Variants in DDX10 observed in about 807,000 individuals in gnomAD.
DDX10 encodes DEAD-box helicase 10.
DDX10 carries 74 observed loss-of-function variants against 104.3 expected under a neutral mutation model. That is an observed-to-expected ratio of 0.71 (90% CI 0.59 to 0.86). DDX10 has a LOEUF of 0.86. Among genes scored for constraint, DDX10 ranks in the 40% least tolerant of loss-of-function variants. The pLI is 0.00. For synonymous variants in DDX10, 351 were observed against 353.4 expected (o/e 0.99, Z 0.08); for missense variants, 952 against 1,040.0 (o/e 0.92, Z 1.16).
chr11:108,728,449 A>G (rs892473829), intron 13 of DDX10, among the ~76,000 whole-genome samples: 4 of 151,518 alleles, frequency 2.6e-5, no homozygotes, highest in Admixed American at 2.6e-4. Context: ...CTGTAATTTC[A>G]CCACCTAGAG....
intron 13 of DDX10, among the ~76,000 whole-genome samples, chr11:108,824,382 A>G (rs1174777687): frequency 6.6e-6 from 1 of 152,212 alleles, no homozygotes; most frequent in East Asian, 1.9e-4. Context: ...CTATGTGATC[A>G]GTTTCCCTTA....
chr11:108,905,282 ATT>A (rs1863576824), intron 16 of DDX10, among the ~76,000 whole-genome samples: 1 of 120,604 alleles, frequency 8.3e-6, no homozygotes, highest in South Asian at 3.2e-4. Context: ...CAAAGATATT[ATT>A]TATTATAAGG....
chr11:108,918,145 CT>C, intron 17 of DDX10, 127 bp downstream of exon 17: 1 of 917,086 alleles, frequency 1.1e-6, no homozygotes, highest in South Asian at 1.6e-5. Flanking sequence ...GATACCTTTA[CT>C]TAGATTCCTG....
At chr11:108,748,889 C>G (rs896289479) in intron 13 of DDX10, among the ~76,000 whole-genome samples, 1 of 150,944 alleles carries the variant, frequency 6.6e-6, no homozygotes. Flanking sequence ...AATTTTAAAA[C>G]TTTTCTTTTT....
At chr11:108,920,143 A>C (rs550709422) in intron 17 of DDX10, 1 of 152,196 alleles carries the variant, frequency 6.6e-6, no homozygotes, top group African/African-American at 2.4e-5. Context: ...AATAGGTTAA[A>C]TGATACAAGA....
At chr11:108,932,318 C>T (rs117180348) in intron 17 of DDX10, among the ~76,000 whole-genome samples, 4 of 151,966 alleles carry the variant, frequency 2.6e-5, no homozygotes, top group East Asian at 1.9e-4. Context: ...CAAAATTTAC[C>T]TTCTCCTTCT....
intron 13 of DDX10, among the ~76,000 whole-genome samples, chr11:108,790,184 A>G (rs900103438): frequency 1.3e-5 from 2 of 152,186 alleles, no homozygotes; most frequent in Non-Finnish European, 2.9e-5. Flanking sequence ...CCTACTCCAG[A>G]TGATGTAAGG....
intron 16 of DDX10, among the ~76,000 whole-genome samples, chr11:108,869,568 C>T (rs578239543): frequency 7.8e-4 from 118 of 152,172 alleles, no homozygotes; most frequent in African/African-American, 2.8e-3. Context: ...TTCTAAAATT[C>T]ATTAAATGCA....
At position 108,837,472 on chromosome 11, in the gene DDX10, G is replaced by T. The variant is rs114056315; in HGVS notation, c.1966-974G>T. Among the ~76,000 whole-genome samples the T allele has an allele frequency of 3.9e-3, 592 of 152,140 alleles. 3 individuals carry two copies. Among genetic ancestry groups the T allele is most frequent in the African/African-American group, 0.014 (570 of 41,496 alleles). On this transcript the variant is annotated intron_variant, in intron 13 of 17. Coordinates refer to ENST00000322536, the MANE Select transcript of DDX10 (RefSeq NM_004398.4). ...TCCAACCCCCTATCTCAGGGGGTCT[G>T]CTCACCATTCACTTAGCATAAGTAA...
At chr11:108,744,849 G>A (rs561859617) in intron 13 of DDX10, among the ~76,000 whole-genome samples, 2 of 152,218 alleles carry the variant, frequency 1.3e-5, no homozygotes, top group South Asian at 4.2e-4. Context: ...CTAGAATCTT[G>A]GAAGATCTTT....
At chr11:108,902,534 T>A (rs553734347) in intron 16 of DDX10, among the ~76,000 whole-genome samples, 2 of 152,298 alleles carry the variant, frequency 1.3e-5, no homozygotes, top group East Asian at 3.9e-4. Context: ...ATTTATGTAA[T>A]GGGAATATTA....
intron 17 of DDX10, among the ~76,000 whole-genome samples, chr11:108,925,207 T>A (rs1445626001): frequency 6.6e-6 from 1 of 152,112 alleles, no homozygotes; most frequent in African/African-American, 2.4e-5. Context: ...TTGCTACACA[T>A]TGGGGAAGGA....
chr11:108,718,485 T>G (rs375382641), intron 11 of DDX10, among the ~76,000 whole-genome samples: 8 of 152,348 alleles, frequency 5.3e-5, no homozygotes, highest in South Asian at 4.1e-4. Context: ...TTGGAAGTAG[T>G]ACACACATTT....
At chr11:108,696,232 A>G (rs1236368653) in intron 9 of DDX10, among the ~76,000 whole-genome samples, 1 of 152,078 alleles carries the variant, frequency 6.6e-6, no homozygotes, top group Non-Finnish European at 1.5e-5. Context: ...GCTGGAGTGC[A>G]GTGGCACAAT....
chr11:108,824,051 A>AT (rs1264061726), intron 13 of DDX10, among the ~76,000 whole-genome samples: 6 of 151,416 alleles, frequency 4.0e-5, no homozygotes, highest in South Asian at 2.1e-4. Flanking sequence ...CTGTCCCAGG[A>AT]TTTTTTTTTG....
chr11:108,715,812 C>T (rs2094290568), intron 10 of DDX10, 67 bp from the exon 11 acceptor site: 5 of 771,606 alleles, frequency 6.5e-6, no homozygotes, highest in South Asian at 1.6e-5. Flanking sequence ...TAGGAAAATG[C>T]TGCTTACTAT....
chr11:108,723,374 G>T lies in DDX10; in HGVS notation c.1877G>T (p.Arg626Ile), dbSNP rs771806611. 19 of 1,613,866 alleles carry T rather than the reference G, an allele frequency of 1.2e-5. No homozygotes were observed. In the South Asian group the frequency reaches 2.1e-4, roughly 18 times the overall value. Residue 626 changes from arginine to isoleucine, a missense_variant, in exon 13 of 18, where the codon AGA becomes ATA. Physicochemically the swap from Arg to Ile is moderately conservative, Grantham distance 97. Around this residue, in one of 3 missense-constraint regions of DDX10, gnomAD observed 533 missense variants for 534.1 expected, o/e 1.00. Transcript: ENST00000322536. ...IKEVPTQFLD[R>I]DEEEEDADFL... Reference sequence around the variant, plus strand: ...GAAGTTCCTACACAGTTCTTGGACAGAGATGAGGAGGAAGAAGATGCTGAT... The same window carrying T: ...GAAGTTCCTACACAGTTCTTGGACATAGATGAGGAGGAAGAAGATGCTGAT...
intron 16 of DDX10, among the ~76,000 whole-genome samples, chr11:108,888,517 A>G (rs1259669647): frequency 6.6e-6 from 1 of 152,166 alleles, no homozygotes; most frequent in Non-Finnish European, 1.5e-5. Flanking sequence ...TATAGTTGTT[A>G]ATATTACTTG....
chr11:108,718,952 T>A (rs2094294952), intron 11 of DDX10, among the ~76,000 whole-genome samples: 1 of 152,138 alleles, frequency 6.6e-6, no homozygotes, highest in Non-Finnish European at 1.5e-5. Context: ...AACATGAAGT[T>A]TAGGAAGTAT....
Sources: gnomAD v4.1 joint callset for allele counts (sites outside exome capture counted in the v4.1 genomes callset) on GRCh38, gnomAD v4.1.1 for gene constraint, gnomAD v4.1.1 regional missense constraint, MANE v1.5 for transcripts, NCBI Gene and HGNC (gene_info 2026-07-23, HGNC 2026-07-21) for gene names.